The following IGSF23 variants were observed in gnomAD, a reference collection of about 807,000 sequenced individuals.
The protein encoded by IGSF23 is immunoglobulin superfamily, member 23.
A neutral mutation model predicts 17.8 loss-of-function variants in IGSF23; 14 were observed. The observed-to-expected ratio is 0.79, with a 90% CI of 0.52 to 1.23. The LOEUF (loss-of-function observed/expected upper bound fraction) is 1.23, where lower values mean the gene tolerates loss of function less well. Ranked by LOEUF, IGSF23 falls within the 50% of genes most tolerant of loss-of-function variation. The probability of loss-of-function intolerance (pLI) is 0.00; values close to 1 mark genes in which losing one functional copy is unlikely to be tolerated. For synonymous variants in IGSF23, 85 were observed against 92.5 expected (o/e 0.92, Z 0.46); for missense variants, 214 against 241.7 (o/e 0.89, Z 0.76).
At chr19:44,622,755 CA>C (rs564533324) in intron 1 of IGSF23, among the ~76,000 whole-genome samples, 183 of 152,266 alleles carry the variant, frequency 1.2e-3, no homozygotes, top group Non-Finnish European at 2.3e-3. Context: ...CTTCTTCTCC[CA>C]GCCCTCTCTC....
chr19:44,634,585 G>T (rs1972844190), intron 3 of IGSF23, among the ~76,000 whole-genome samples: 1 of 152,230 alleles, frequency 6.6e-6, no homozygotes, highest in African/African-American at 2.4e-5. Flanking sequence ...TGCTCGAACA[G>T]TCACTGGGGC....
At chr19:44,627,723 G>T (rs1157208610) in intron 3 of IGSF23, 150 bp downstream of exon 3, 2 of 885,402 alleles carry the variant, frequency 2.3e-6, no homozygotes, top group Non-Finnish European at 3.4e-6. Context: ...TGACTCACTG[G>T]TTTCCAAAAT....
In IGSF23 at chr19:44,615,121, C is replaced by G. The variant is rs546204988; in HGVS notation, c.125+1351C>G. ...TGGCTAACACGGTGAAACCCCGTCT[C>G]TACTAAAAATACAAAAAATTAGCCA... On this transcript the variant is annotated intron_variant, in intron 1 of 4. Coordinates refer to ENST00000402988, the MANE Select transcript of IGSF23 (RefSeq NM_001205280.2). Among the ~76,000 whole-genome samples the G allele has an allele frequency of 2.4e-4, 36 of 151,926 alleles. No individual in the cohort carries two copies. In the South Asian group the frequency reaches 6.0e-3, roughly 25 times the overall value.
intron 1 of IGSF23, 106 bp downstream of exon 1, chr19:44,613,876 C>G: frequency 1.3e-6 from 2 of 1,548,728 alleles, no homozygotes; most frequent in South Asian, 2.4e-5. Context: ...CTATGAAGAC[C>G]CCATGTGTGA....
intron 3 of IGSF23, 23 bp downstream of exon 3, chr19:44,627,596 T>C (rs1568489201): frequency 6.5e-7 from 1 of 1,537,710 alleles, no homozygotes; most frequent in Non-Finnish European, 8.8e-7. Flanking sequence ...CTCACCCCCG[T>C]CCACTGGGCA....
chr19:44,631,353 C>T (rs570629082), intron 3 of IGSF23, among the ~76,000 whole-genome samples: 7 of 151,648 alleles, frequency 4.6e-5, no homozygotes, highest in Admixed American at 6.6e-5. Flanking sequence ...TTTGGGAGGC[C>T]GAGGCAGGAA....
chr19:44,621,282 C>CA (rs34896514), intron 1 of IGSF23, among the ~76,000 whole-genome samples: 2,259 of 123,092 alleles, frequency 0.018, 28 homozygotes, highest in South Asian at 0.026. Flanking sequence ...GACCCTGTCT[C>CA]AAAAAAAAAA....
At chr19:44,618,102 T>G (rs1972427569) in intron 1 of IGSF23, 1 of 471,048 alleles carries the variant, frequency 2.1e-6, no homozygotes, top group Non-Finnish European at 4.4e-6. Flanking sequence ...CTGCACCTGC[T>G]CTGCCTTCTC....
At chr19:44,614,723 C>A (rs1361681588) in intron 1 of IGSF23, among the ~76,000 whole-genome samples, 1 of 152,112 alleles carries the variant, frequency 6.6e-6, no homozygotes, top group Non-Finnish European at 1.5e-5. Context: ...TGAGCCACTG[C>A]GCCCAGCCTG....
chr19:44,626,148 G>A (rs1403788190), intron 2 of IGSF23, among the ~76,000 whole-genome samples: 1 of 152,166 alleles, frequency 6.6e-6, no homozygotes, highest in Admixed American at 6.5e-5. Context: ...GGGTAGGAAA[G>A]AATGCATGAG....
In IGSF23 at chr19:44,623,734, C is replaced by A. The variant is rs1363792209; in HGVS notation, c.153C>A (p.Phe51Leu). The A allele has an allele frequency of 6.4e-7, 1 of 1,551,152 alleles. No homozygotes were observed. Residue 51 changes from phenylalanine to leucine, a missense_variant, in exon 2 of 5, where the codon TTC (phenylalanine) becomes TTA (leucine). Phe to Leu is a conservative substitution (Grantham distance 22). Transcript: ENST00000402988. ...LVLQLMPLKT[F>L]PAAIRGVIQS... ...TCCAACTAATGCCACTGAAGACATT[C>A]CCAGCTGCTATCCGGGGAGTCATCC...
chr19:44,632,813 A>G (rs980056678), intron 3 of IGSF23, among the ~76,000 whole-genome samples: 19 of 152,066 alleles, frequency 1.2e-4, no homozygotes, highest in Non-Finnish European at 1.6e-4. Context: ...ATAATGCTAG[A>G]CTCAATTGTG....
intron 3 of IGSF23, among the ~76,000 whole-genome samples, chr19:44,633,210 C>T (rs999897693): frequency 6.6e-6 from 1 of 152,168 alleles, no homozygotes; most frequent in Non-Finnish European, 1.5e-5. Flanking sequence ...TATTAAAGGC[C>T]AGTTTTAAGT....
Position 44,627,849 on chromosome 19 carries a change from G to A in IGSF23, c.545+276G>A, listed in dbSNP as rs369276432. On this transcript the variant is annotated intron_variant, in intron 3 of 4. Coordinates refer to ENST00000402988, the MANE Select transcript of IGSF23 (RefSeq NM_001205280.2). ...TGTGGGCAAGCCACTCCCCTTCTCT[G>A]TGCCTCAGTTTGCCCATCTGCAAAA... is the stretch of plus-strand genomic sequence containing the variant. 1.8e-4 allele frequency among the ~76,000 whole-genome samples: 27 copies of A among 152,226 alleles called. 1 individual carries two copies. The highest frequency in any genetic ancestry group is 6.0e-4 in the African/African-American group (25 of 41,516).
chr19:44,635,356 C>G (rs1015804942), intron 3 of IGSF23, 45 bp from the exon 4 acceptor site: 72 of 1,344,402 alleles, frequency 5.4e-5, no homozygotes, highest in Non-Finnish European at 7.0e-5. Context: ...TATTCTCTCT[C>G]TCTCTCTCTC....
intron 3 of IGSF23, chr19:44,632,173 TAGG>T (rs1195959831): frequency 3.1e-6 from 1 of 327,542 alleles, no homozygotes; most frequent in Non-Finnish European, 5.9e-6. Context: ...GCCTCAATTA[TAGG>T]AGGAGATTTG....
intron 3 of IGSF23, among the ~76,000 whole-genome samples, chr19:44,631,607 C>G (rs1050297659): frequency 2.4e-4 from 37 of 152,140 alleles, no homozygotes; most frequent in Non-Finnish European, 4.6e-4. Context: ...GGTCTCACAG[C>G]CTTCAGAGCT....
chr19:44,631,076 G>A lies in IGSF23; in HGVS notation c.545+3503G>A, dbSNP rs1307332501. On this transcript the variant is annotated intron_variant, in intron 3 of 4. Transcript: ENST00000402988. ...TTGAGACCAGCCTGGGCAGCATAGC[G>A]AGACTCATGTCTCTACAAAAAAAAA... is the stretch of plus-strand genomic sequence containing the variant. 7.3e-5 allele frequency among the ~76,000 whole-genome samples: 10 copies of A among 137,748 alleles called. No homozygotes were observed. The South Asian group carries it at 1.5e-3, about 21-fold the overall frequency. The allele number at this position is 137,748 out of a possible 152,430, so 90.4% of individuals were successfully genotyped here.
At chr19:44,618,120 C>T (rs989122803) in intron 1 of IGSF23, 1 of 471,180 alleles carries the variant, frequency 2.1e-6, no homozygotes, top group East Asian at 7.0e-5. Flanking sequence ...CTCAGAGCTG[C>T]CCTTCTCGGC....
Sources: gnomAD v4.1 joint callset for allele counts (sites outside exome capture counted in the v4.1 genomes callset) on GRCh38, gnomAD v4.1.1 for gene constraint, MANE v1.5 for transcripts, NCBI Gene and HGNC (gene_info 2026-07-23, HGNC 2026-07-21) for gene names.